Variants in PCDHGB2 observed in about 807,000 individuals in gnomAD.
The protein encoded by PCDHGB2 is protocadherin gamma-B2.
Under a neutral mutation model 59.3 loss-of-function variants are expected in PCDHGB2, and 55 were observed. The observed-to-expected ratio is 0.93, with a 90% CI of 0.75 to 1.16. The LOEUF (loss-of-function observed/expected upper bound fraction) is 1.16. Among genes scored for constraint, PCDHGB2 ranks in the 50% most tolerant of loss-of-function variants. PCDHGB2 has a pLI of 0.00. For synonymous variants in PCDHGB2, 516 were observed against 512.0 expected (o/e 1.01, Z -0.11); for missense variants, 1,228 against 1,198.5 (o/e 1.02, Z -0.36).
In PCDHGB2 at chr5:141,489,068, G is replaced by GGC; in HGVS notation, c.2422-5739_2422-5738insGC. 1 of 291,558 alleles carries GGC rather than the reference G, an allele frequency of 3.4e-6. No individual in the cohort carries two copies. The allele number at this position is 291,558 out of a possible 1,614,324, so 18.1% of individuals were successfully genotyped here. ...CTCAAATTCAGCTCCCCTCCCCCCT[G>GGC]CCCACCCCCGCCACTCGGTGACTAA... On this transcript the variant is annotated intron_variant, in intron 1 of 3. Transcript: ENST00000522605. The surrounding 1 kb of genome is among the most constrained non-coding windows in gnomAD (Gnocchi z 4.5).
chr5:141,389,439 G>A, intron 1 of PCDHGB2: 1 of 1,610,580 alleles, frequency 6.2e-7, no homozygotes. Context: ...GCGCGCCTTC[G>A]ACCACGAGCA....
chr5:141,400,459 G>T, intron 1 of PCDHGB2: 1 of 1,614,072 alleles, frequency 6.2e-7, no homozygotes, highest in African/African-American at 1.3e-5. Context: ...CATACTTTGT[G>T]GTGATTCATC....
intron 1 of PCDHGB2, among the ~76,000 whole-genome samples, chr5:141,454,730 A>C (rs2098797371): frequency 6.7e-6 from 1 of 150,092 alleles, no homozygotes; most frequent in Admixed American, 6.7e-5. Context: ...TATATGTTAT[A>C]GGATGAAAAG....
chr5:141,365,321 G>A lies in PCDHGB2; in HGVS notation c.2421+2765G>A, dbSNP rs552296703. On this transcript the variant is annotated intron_variant, in intron 1 of 3. Coordinates refer to ENST00000522605, the MANE Select transcript of PCDHGB2 (RefSeq NM_018923.3). ...GGATGGAGGCGCTCTTGTTGCCAGC[G>A]CTAAGGTGGTGGTCACAGTACAGGA... 3.1e-6 allele frequency: 5 copies of A among 1,613,828 alleles called. No homozygotes were observed. In the South Asian group the frequency reaches 4.4e-5, roughly 14 times the overall value.
rs751560177 is a variant in PCDHGB2 at position 141,432,962 on chromosome 5, G to T, written c.2422-61845G>T. 7 of 1,614,092 alleles carry T rather than the reference G, an allele frequency of 4.3e-6. No individual in the cohort carries two copies. The highest frequency in any genetic ancestry group is 5.9e-6 in the Non-Finnish European group (7 of 1,180,046). Reference sequence around the variant, plus strand: ...GGCTTCAGGAGGCGGCTTGACAGGAGCGCCGGCGTCGCACTTTGTGGGCGT... The same window carrying T: ...GGCTTCAGGAGGCGGCTTGACAGGATCGCCGGCGTCGCACTTTGTGGGCGT... On this transcript the variant is annotated intron_variant, in intron 1 of 3. Transcript: ENST00000522605. The surrounding 1 kb of genome is among the most constrained non-coding windows in gnomAD (Gnocchi z 6.0).
At position 141,360,263 on chromosome 5, in the gene PCDHGB2, A is replaced by G. The variant is rs555467064; in HGVS notation, c.128A>G (p.Lys43Arg). The G allele has an allele frequency of 1.9e-6, 3 of 1,613,984 alleles. No individual in the cohort carries two copies. In the Admixed American group the frequency reaches 5.0e-5, roughly 27 times the overall value. The change falls in exon 1 of 4, where the codon AAA becomes AGA. Residue 43 changes from lysine to arginine, a missense_variant. Lys to Arg is a conservative substitution (Grantham distance 26). This residue lies in a region of PCDHGB2 where 781 missense variants were observed against 721.6 expected (regional missense o/e 1.08). Transcript: ENST00000522605. ...TATTCAATTCCAGAGGAGCTGGCCA[A>G]AAACTCGGTCGTAGGAAACCTCGCC... The part of the protein sequence containing the change: ...IRYSIPEELA[K>R]NSVVGNLAKD...
In PCDHGB2 at chr5:141,360,684, A is replaced by G. The variant is rs1025740579; in HGVS notation, c.549A>G (p.Lys183=). The part of the protein sequence containing the change: ...NDNEYFDLAE[K]QTPDGRKYPE... The stretch of plus-strand genomic sequence containing the variant: ...ACGAGTACTTTGATCTCGCTGAGAA[A>G]CAGACTCCAGATGGTCGTAAATATC... Residue 183 remains lysine (K), a synonymous_variant, in exon 1 of 4, where the codon AAA becomes AAG. Coordinates refer to ENST00000522605, the MANE Select transcript of PCDHGB2 (RefSeq NM_018923.3). 6.2e-7 allele frequency: 1 copy of G among 1,614,010 alleles called. No homozygotes were observed. The highest frequency in any genetic ancestry group is 8.5e-7 in the Non-Finnish European group (1 of 1,179,900).
At chr5:141,437,659 C>T (rs1006268414) in intron 1 of PCDHGB2, among the ~76,000 whole-genome samples, 10 of 151,870 alleles carry the variant, frequency 6.6e-5, no homozygotes, top group East Asian at 3.9e-4. Context: ...CACATAGTTT[C>T]GAAGAGATGT....
intron 1 of PCDHGB2, among the ~76,000 whole-genome samples, chr5:141,454,617 G>T (rs2098794218): frequency 6.6e-6 from 1 of 151,322 alleles, no homozygotes; most frequent in Non-Finnish European, 1.5e-5. Context: ...TGTTGGTCAG[G>T]CTGGTCTCGA....
Position 141,486,146 on chromosome 5 carries a change from G to A in PCDHGB2, c.2422-8661G>A, listed in dbSNP as rs533158692. The A allele has an allele frequency of 3.1e-6, 5 of 1,614,184 alleles. No homozygotes were observed. The highest frequency in any genetic ancestry group is 2.2e-5 in the East Asian group (1 of 44,876). The stretch of plus-strand genomic sequence containing the variant: ...TGAATTTGATGTGCGGGCTCGCGAT[G>A]GGGGTTCTCCAGCCATGGAGCAACA... On this transcript the variant is annotated intron_variant, in intron 1 of 3. Transcript: ENST00000522605. The surrounding 1 kb of genome is among the most constrained non-coding windows in gnomAD (Gnocchi z 5.0).
At chr5:141,366,704 C>T in intron 1 of PCDHGB2, 1 of 1,614,250 alleles carries the variant, frequency 6.2e-7, no homozygotes, top group Non-Finnish European at 8.5e-7. Flanking sequence ...CGAGCCTCTT[C>T]TGATGTCTGA....
chr5:141,423,572 G>T (rs1239529114), intron 1 of PCDHGB2: 2 of 1,613,510 alleles, frequency 1.2e-6, no homozygotes, highest in African/African-American at 1.3e-5. Context: ...ACGCTCATCA[G>T]CCAGGAGAGC....
At chr5:141,390,385 C>T in intron 1 of PCDHGB2, 1 of 1,430,580 alleles carries the variant, frequency 7.0e-7, no homozygotes, top group South Asian at 1.3e-5. Flanking sequence ...TTTTAGATGT[C>T]ATGGATCATT....
At chr5:141,498,973 GA>G (rs1161965842) in intron 2 of PCDHGB2, among the ~76,000 whole-genome samples, 8 of 11,660 alleles carry the variant, frequency 6.9e-4, no homozygotes, top group Admixed American at 4.8e-3. Flanking sequence ...GGGAGGGAGG[GA>G]AGGAAGGAAG....
chr5:141,432,173 GTC>G lies in PCDHGB2; in HGVS notation c.2422-62630_2422-62629del. 6.2e-7 allele frequency: 1 copy of G among 1,614,054 alleles called. No individual in the cohort carries two copies. Among genetic ancestry groups the G allele is most frequent in the Non-Finnish European group, 8.5e-7 (1 of 1,180,018 alleles). Reference sequence around the variant, plus strand: ...GAACAATCCCAGAGGAGTTTCCCTCGTCTCTGTGACCGCCCACGACCCCGACT... The same window carrying G: ...GAACAATCCCAGAGGAGTTTCCCTCGTCTGTGACCGCCCACGACCCCGACT... On this transcript the variant is annotated intron_variant, in intron 1 of 3. Coordinates refer to ENST00000522605, the MANE Select transcript of PCDHGB2 (RefSeq NM_018923.3). This position sits in a 1 kb window ranked among gnomAD's most constrained non-coding sequence, Gnocchi z 6.0.
At chr5:141,376,069 G>T (rs897737501) in intron 1 of PCDHGB2, 13 of 1,613,452 alleles carry the variant, frequency 8.1e-6, no homozygotes, top group Non-Finnish European at 1.0e-5. Flanking sequence ...CGCTCACCGT[G>T]GCCGTGGCCG....
At chr5:141,505,538 T>C in intron 3 of PCDHGB2, 57 bp downstream of exon 3, 1 of 1,610,262 alleles carries the variant, frequency 6.2e-7, no homozygotes, top group Non-Finnish European at 8.5e-7. Context: ...CTGGGGTGCA[T>C]CTCACAGCCA....
intron 1 of PCDHGB2, chr5:141,423,577 G>A (rs1348410879): frequency 6.2e-7 from 1 of 1,613,478 alleles, no homozygotes; most frequent in Non-Finnish European, 8.5e-7. Context: ...CATCAGCCAG[G>A]AGAGCTGTGA....
chr5:141,410,184 A>AT, intron 1 of PCDHGB2: 1 of 1,613,918 alleles, frequency 6.2e-7, no homozygotes, highest in Non-Finnish European at 8.5e-7. Context: ...GCCACGCTTC[A>AT]TCTGGTCTTC....
Sources: gnomAD v4.1 joint callset for allele counts (sites outside exome capture counted in the v4.1 genomes callset) on GRCh38, gnomAD v4.1.1 for gene constraint, gnomAD v4.1.1 regional missense constraint, Gnocchi (gnomAD v3.1) non-coding constraint, MANE v1.5 for transcripts, NCBI Gene and HGNC (gene_info 2026-07-23, HGNC 2026-07-21) for gene names.